UBE2G1: variants seen among roughly 807,000 people sequenced by gnomAD.
UBE2G1 encodes ubiquitin-conjugating enzyme E2 G1.
UBE2G1 carries 5 observed loss-of-function variants against 22.7 expected under a neutral mutation model. That is an observed-to-expected ratio of 0.22 (90% CI 0.12 to 0.46). The LOEUF is 0.46. UBE2G1 is among the 20% of genes least tolerant of loss of function. The pLI, the probability that UBE2G1 is intolerant of heterozygous loss-of-function variation, is 0.99. For missense variants in UBE2G1, 88 were observed against 203.9 expected (o/e 0.43, Z 3.46); for synonymous variants, 74 against 67.5 (o/e 1.10, Z -0.47).
intron 1 of UBE2G1, among the ~76,000 whole-genome samples, chr17:4,324,781 T>TA (rs924251247): frequency 1.3e-5 from 2 of 152,102 alleles, no homozygotes; most frequent in Admixed American, 1.3e-4. Context: ...ATACTCTATT[T>TA]AACAACTAGT....
intron 2 of UBE2G1, among the ~76,000 whole-genome samples, chr17:4,298,996 T>C (rs1016902027): frequency 2.0e-5 from 3 of 152,192 alleles, no homozygotes; most frequent in African/African-American, 7.2e-5. Flanking sequence ...TCTGTGTAAG[T>C]TAGTGCCAAA....
intron 1 of UBE2G1, among the ~76,000 whole-genome samples, chr17:4,357,516 GGGGGT>G (rs1428053883): frequency 9.6e-5 from 7 of 72,830 alleles, no homozygotes; most frequent in African/African-American, 3.0e-4. Context: ...TGTGGGGGGG[GGGGGT>G]GGGTGTATAA....
intron 1 of UBE2G1, among the ~76,000 whole-genome samples, chr17:4,357,889 C>T (rs1000672248): frequency 2.6e-5 from 4 of 151,936 alleles, no homozygotes; most frequent in African/African-American, 9.7e-5. Flanking sequence ...TGCTTGAGCC[C>T]AGGAGTTCAA....
At chr17:4,347,469 CTTTTTTTTT>C (rs34014821) in intron 1 of UBE2G1, among the ~76,000 whole-genome samples, 9 of 89,530 alleles carry the variant, frequency 1.0e-4, no homozygotes, top group Admixed American at 4.4e-4. Flanking sequence ...AGTATTTCTT[CTTTTTTTTT>C]TTTTTTTTTT....
intron 5 of UBE2G1, among the ~76,000 whole-genome samples, chr17:4,279,746 G>A (rs35514092): frequency 0.21 from 27,116 of 127,136 alleles, 2,944 homozygotes; most frequent in Non-Finnish European, 0.27. Flanking sequence ...CTGCAATCCA[G>A]CCCGAGCGAC....
At chr17:4,296,028 C>T (rs1372219115) in intron 3 of UBE2G1, among the ~76,000 whole-genome samples, 1 of 150,522 alleles carries the variant, frequency 6.6e-6, no homozygotes, top group African/African-American at 2.5e-5. Flanking sequence ...AAGAGTTGTC[C>T]ATGGTATAAA....
chr17:4,313,459 G>A lies in UBE2G1; in HGVS notation c.47-6336C>T, dbSNP rs547637980. The stretch of plus-strand genomic sequence containing the variant: ...TAGGAGTTTTGAGAATGCCAAAGAT[G>A]AAGATAACATCTTTTCTGAATGCTA... On this transcript the variant is annotated intron_variant, in intron 1 of 5. Transcript: ENST00000396981. Among the ~76,000 whole-genome samples, 4 of 152,274 alleles carry A rather than the reference G, an allele frequency of 2.6e-5. No homozygotes were observed. The South Asian group carries it at 8.3e-4, about 32-fold the overall frequency.
At chr17:4,301,140 T>A (rs1969173330) in intron 2 of UBE2G1, among the ~76,000 whole-genome samples, 1 of 152,214 alleles carries the variant, frequency 6.6e-6, no homozygotes, top group Admixed American at 6.5e-5. Context: ...CCGTCTGCAA[T>A]TTGCTCAACA....
At chr17:4,274,028 C>G (rs1441204201) in intron 5 of UBE2G1, among the ~76,000 whole-genome samples, 4 of 152,024 alleles carry the variant, frequency 2.6e-5, no homozygotes, top group Non-Finnish European at 5.9e-5. Context: ...CTCTGTCACC[C>G]AGGCTGCAGT....
At chr17:4,316,696 C>T (rs1969378637) in intron 1 of UBE2G1, among the ~76,000 whole-genome samples, 1 of 152,014 alleles carries the variant, frequency 6.6e-6, no homozygotes, top group South Asian at 2.1e-4. Context: ...TAATCAAAAA[C>T]ATTTTTGGCC....
intron 1 of UBE2G1, among the ~76,000 whole-genome samples, chr17:4,348,552 C>CA (rs777127524): frequency 0.072 from 4,637 of 63,980 alleles, 352 homozygotes; most frequent in African/African-American, 0.21. Flanking sequence ...GACTCCGTCT[C>CA]AAAAAAAAAA....
chr17:4,273,592 C>T (rs1468537649), intron 5 of UBE2G1, among the ~76,000 whole-genome samples: 1 of 152,102 alleles, frequency 6.6e-6, no homozygotes, highest in East Asian at 1.9e-4. Flanking sequence ...ACGCTGCCAC[C>T]TCGGCCTCCC....
intron 1 of UBE2G1, 135 bp from the exon 2 acceptor site, chr17:4,307,258 G>A: frequency 1.4e-6 from 1 of 711,784 alleles, no homozygotes; most frequent in South Asian, 1.8e-5. Context: ...CAGGCAAAAT[G>A]CTACTTGATG....
intron 2 of UBE2G1, chr17:4,302,307 C>A (rs1335032650): frequency 6.4e-6 from 3 of 471,876 alleles, no homozygotes; most frequent in South Asian, 1.7e-5. Context: ...CTGGGTTCTG[C>A]GTGTGGTTGC....
At chr17:4,349,523 C>T (rs1464309301) in intron 1 of UBE2G1, among the ~76,000 whole-genome samples, 3 of 147,330 alleles carry the variant, frequency 2.0e-5, no homozygotes, top group Non-Finnish European at 3.0e-5. Flanking sequence ...AAAAAAAAAA[C>T]ACGTCACATA....
At chr17:4,351,566 G>A (rs960153519) in intron 1 of UBE2G1, among the ~76,000 whole-genome samples, 2 of 152,092 alleles carry the variant, frequency 1.3e-5, no homozygotes, top group African/African-American at 4.8e-5. Context: ...TTTCCTAGGG[G>A]AACTATCATA....
At chr17:4,312,695 C>CAAA (rs58462791) in intron 1 of UBE2G1, among the ~76,000 whole-genome samples, 47 of 76,886 alleles carry the variant, frequency 6.1e-4, no homozygotes, top group African/African-American at 2.1e-3. Context: ...GACTCCATCT[C>CAAA]AAAAAAAAAA....
At chr17:4,304,084 C>T (rs967125075) in intron 2 of UBE2G1, among the ~76,000 whole-genome samples, 4 of 152,164 alleles carry the variant, frequency 2.6e-5, no homozygotes, top group Non-Finnish European at 4.4e-5. Context: ...AGTGCAGTAG[C>T]GTAATCTTGG....
intron 1 of UBE2G1, among the ~76,000 whole-genome samples, chr17:4,332,368 G>C (rs1969589532): frequency 6.6e-6 from 1 of 152,120 alleles, no homozygotes; most frequent in Non-Finnish European, 1.5e-5. Context: ...TGTTGGTGAA[G>C]CTTTCATTTC....
Sources: allele counts gnomAD v4.1 joint callset (sites outside exome capture counted in the v4.1 genomes callset), GRCh38; gene constraint gnomAD v4.1.1; transcripts MANE v1.5; gene names NCBI Gene and HGNC (gene_info 2026-07-23, HGNC 2026-07-21).